The following XRN1 variants were observed in gnomAD, a reference collection of about 807,000 sequenced individuals.
XRN1 encodes the protein strand-exchange protein 1 homolog.
Under a neutral mutation model 222.3 loss-of-function variants are expected in XRN1, and 67 were observed. The observed-to-expected ratio is 0.30, with a 90% CI of 0.25 to 0.37. The LOEUF is 0.37. Among genes scored for constraint, XRN1 ranks in the 10% least tolerant of loss-of-function variants. XRN1 has a pLI of 1.00. For missense variants in XRN1, 1,707 were observed against 2,000.2 expected, an observed-to-expected ratio of 0.85 and a Z score of 2.80; for synonymous variants, 643 against 652.4, an observed-to-expected ratio of 0.99 and a Z score of 0.22.
chr3:142,324,904 G>C lies in XRN1; in HGVS notation c.4404+4530C>G, dbSNP rs2065474711. On this transcript the variant is annotated intron_variant, in intron 37 of 40. Coordinates refer to ENST00000392981, the MANE Select transcript of XRN1 (RefSeq NM_001282857.2). ...CTGCATAAATGTCTTCTTTTGAGAA[G>C]TGTATATCTTGAGAAGTGTGTATAT... Among the ~76,000 whole-genome samples the C allele has an allele frequency of 2.0e-5, 3 of 152,220 alleles. No individual in the cohort carries two copies. In the South Asian group the frequency reaches 6.2e-4, roughly 32 times the overall value.
At chr3:142,408,027 T>G (rs1386364654) in intron 15 of XRN1, among the ~76,000 whole-genome samples, 1 of 152,264 alleles carries the variant, frequency 6.6e-6, no homozygotes, top group Non-Finnish European at 1.5e-5. Flanking sequence ...CTTCTGTTTC[T>G]TCAGGTCATA....
rs370260677 is a variant in XRN1, at chr3:142,334,535, T to C, written c.3939+913A>G. 5.3e-5 allele frequency among the ~76,000 whole-genome samples: 8 copies of C among 151,992 alleles called. No individual in the cohort carries two copies. In the South Asian group the frequency reaches 1.0e-3, roughly 20 times the overall value. ...AGCAGAGACTATATAAAGTAAAACA[T>C]AAATGATCTTGGCTTCCCCCACACC... On this transcript the variant is annotated intron_variant, in intron 34 of 40. Transcript: ENST00000392981.
chr3:142,389,648 T>C (rs1484357544), intron 20 of XRN1, among the ~76,000 whole-genome samples: 3 of 152,152 alleles, frequency 2.0e-5, no homozygotes, highest in South Asian at 4.1e-4. Flanking sequence ...GCCTCCCAAG[T>C]AGCTGGGATT....
intron 32 of XRN1, among the ~76,000 whole-genome samples, chr3:142,353,248 T>A (rs1473979564): frequency 6.6e-6 from 1 of 152,100 alleles, no homozygotes; most frequent in Admixed American, 6.6e-5. Flanking sequence ...TAAAGCTGAT[T>A]TAAAACAAAA....
intron 1 of XRN1, 48 bp from the exon 2 acceptor site, chr3:142,432,941 C>T: frequency 2.9e-6 from 4 of 1,400,894 alleles, no homozygotes; most frequent in Non-Finnish European, 3.0e-6. Context: ...TAATCAACTA[C>T]AGATATCTTA....
At chr3:142,373,200 T>C (rs2067038683) in intron 25 of XRN1, among the ~76,000 whole-genome samples, 1 of 151,968 alleles carries the variant, frequency 6.6e-6, no homozygotes, top group South Asian at 2.1e-4. Flanking sequence ...ATGCTATATA[T>C]AGCCAGAGAA....
intron 23 of XRN1, among the ~76,000 whole-genome samples, chr3:142,376,914 T>A (rs761072480): frequency 4.0e-4 from 61 of 152,066 alleles, no homozygotes; most frequent in Non-Finnish European, 7.1e-4. Flanking sequence ...ACAGGCAAGT[T>A]TTTTGTTTGT....
chr3:142,445,396 ACT>A (rs1444322173), intron 1 of XRN1, among the ~76,000 whole-genome samples: 1 of 151,858 alleles, frequency 6.6e-6, no homozygotes, highest in African/African-American at 2.4e-5. Context: ...CTGGAGAGAT[ACT>A]CTGTCCCTTT....
At chr3:142,345,589 A>G (rs2066122844) in intron 33 of XRN1, among the ~76,000 whole-genome samples, 1 of 152,234 alleles carries the variant, frequency 6.6e-6, no homozygotes, top group African/African-American at 2.4e-5. Flanking sequence ...TCGTGTTTCA[A>G]TAGAGTATAA....
chr3:142,379,464 C>T (rs1422384090), intron 23 of XRN1, among the ~76,000 whole-genome samples: 2 of 152,078 alleles, frequency 1.3e-5, no homozygotes, highest in Admixed American at 6.5e-5. Flanking sequence ...TCAGAAAGAA[C>T]GAGGCATGAG....
intron 1 of XRN1, among the ~76,000 whole-genome samples, chr3:142,443,153 A>T (rs2070317981): frequency 6.6e-6 from 1 of 151,988 alleles, no homozygotes; most frequent in South Asian, 2.1e-4. Context: ...TCTACCGCGG[A>T]CCCCTGGACC....
At chr3:142,388,450 A>AT (rs1219068110) in intron 20 of XRN1, among the ~76,000 whole-genome samples, 8 of 151,912 alleles carry the variant, frequency 5.3e-5, no homozygotes, top group East Asian at 3.9e-4. Flanking sequence ...TTGTATGTGC[A>AT]TTTTTTTTAC....
At position 142,376,296 on chromosome 3, in the gene XRN1, T is replaced by C. The variant is rs2067140680; in HGVS notation, c.2831+183A>G. On this transcript the variant is annotated intron_variant, in intron 24 of 40. Transcript: ENST00000392981. ...ATTAGCTGCTAAAAAATAAGAACTG[T>C]CTTTTCCAACCACCTAAAACATGTG... 1.2e-5 allele frequency: 8 copies of C among 691,384 alleles called. No individual in the cohort carries two copies. In the South Asian group the frequency reaches 1.6e-4, roughly 14 times the overall value. 42.8% of individuals were successfully genotyped at this position (691,384 alleles called of 1,614,324 possible).
At chr3:142,422,497 A>G (rs577421875) in intron 8 of XRN1, 85 bp downstream of exon 8, 157 of 1,395,726 alleles carry the variant, frequency 1.1e-4, no homozygotes, top group Non-Finnish European at 1.4e-4. Flanking sequence ...GCGTGCATGC[A>G]ATAATCTACT....
chr3:142,311,543 C>A lies in XRN1; in HGVS notation c.5053G>T (p.Val1685Phe). Residue 1685 changes from valine (V) to phenylalanine (F), a missense_variant, in exon 41 of 41, where the codon GTT becomes TTT. Physicochemically the swap from Val to Phe is conservative, Grantham distance 50 (BLOSUM62 -1). This residue lies in a region of XRN1 where 473 missense variants were observed against 482.0 expected (regional missense o/e 0.98). Coordinates refer to ENST00000392981, the MANE Select transcript of XRN1 (RefSeq NM_001282857.2). ...GAAGGTTTAGAAACACCAAAATTAA[C>A]AGCCAGTTTTCTTGATTTTCTTCTT... ...SSRRKSRKLA[V>F]NFGVSKPSE The A allele has an allele frequency of 6.2e-7, 1 of 1,608,326 alleles. No homozygotes were observed. The highest frequency in any genetic ancestry group is 8.5e-7 in the Non-Finnish European group (1 of 1,176,364).
At chr3:142,404,860 T>C (rs763279431) in intron 16 of XRN1, 47 bp downstream of exon 16, 1 of 1,588,822 alleles carries the variant, frequency 6.3e-7, no homozygotes, top group South Asian at 1.1e-5. Flanking sequence ...CGCACCCTTG[T>C]GTTAGGAGCG....
chr3:142,396,284 T>C (rs1304252209), intron 20 of XRN1, among the ~76,000 whole-genome samples: 1 of 152,190 alleles, frequency 6.6e-6, no homozygotes, highest in African/African-American at 2.4e-5. Context: ...ACTAAAATAT[T>C]ATCTATTCAT....
rs771240654 is a variant in XRN1, at chr3:142,311,506, C to T, written c.*5G>A. 22 of 1,569,060 alleles carry T rather than the reference C, an allele frequency of 1.4e-5. No individual in the cohort carries two copies. Among genetic ancestry groups the T allele is most frequent in the Non-Finnish European group, 1.8e-5 (21 of 1,156,480 alleles). On this transcript the variant is annotated 3_prime_UTR_variant, in exon 41 of 41. Transcript: ENST00000392981. ...AAGAAATTAACTTAATTCTAAGAGC[C>T]AAATTTACTCAGAAGGTTTAGAAAC...
chr3:142,362,781 T>C (rs868467226), intron 29 of XRN1, among the ~76,000 whole-genome samples: 2 of 145,232 alleles, frequency 1.4e-5, no homozygotes, highest in Middle Eastern at 3.5e-3. Flanking sequence ...CTCTCTCTCT[T>C]TCTTTTTTTG....
Sources: allele counts gnomAD v4.1 joint callset (sites outside exome capture counted in the v4.1 genomes callset), GRCh38; gene constraint gnomAD v4.1.1; regional missense constraint gnomAD v4.1.1; transcripts MANE v1.5; gene names NCBI Gene and HGNC (gene_info 2026-07-23, HGNC 2026-07-21).